ZFAND3: variants seen among roughly 807,000 people sequenced by gnomAD.
The protein encoded by ZFAND3 is zinc finger AN1-type containing 3, also known as AN1-type zinc finger protein 3.
In ZFAND3, 10 loss-of-function variants were observed where a neutral mutation model predicts 29.6. The observed-to-expected ratio is 0.34, with a 90% CI of 0.21 to 0.57. The LOEUF is 0.57. ZFAND3 is among the 20% of genes least tolerant of loss of function. The pLI is 0.86. For synonymous variants in ZFAND3, 128 were observed against 112.6 expected (o/e 1.14, Z -0.87); for missense variants, 230 against 304.5 (o/e 0.76, Z 1.82).
intron 2 of ZFAND3, among the ~76,000 whole-genome samples, chr6:37,978,192 A>G (rs1032027270): frequency 6.6e-6 from 1 of 152,030 alleles, no homozygotes; most frequent in Non-Finnish European, 1.5e-5. Flanking sequence ...TGTTTTTTCT[A>G]TGTCTGTTGA....
At chr6:37,953,589 C>T (rs1331341701) in intron 2 of ZFAND3, among the ~76,000 whole-genome samples, 3 of 151,590 alleles carry the variant, frequency 2.0e-5, no homozygotes, top group African/African-American at 7.3e-5. Flanking sequence ...ATAACTGGGA[C>T]TCAGGCATGT....
intron 2 of ZFAND3, among the ~76,000 whole-genome samples, chr6:38,041,677 T>C (rs796745479): frequency 0.049 from 1,282 of 26,100 alleles, 34 homozygotes; most frequent in African/African-American, 0.091. Flanking sequence ...CTTCTTCTTC[T>C]TCTTCTTCTC....
Position 37,992,562 on chromosome 6 carries a change from A to G in ZFAND3, c.112+62563A>G, listed in dbSNP as rs552645270. On this transcript the variant is annotated intron_variant, in intron 2 of 5. Transcript: ENST00000287218. ...CTTGTAGCTGGTTGCAAACATTGACACTCCACCCTTAAATTCTTCAGCTTA... is the reference window on the plus strand; with the variant it reads ...CTTGTAGCTGGTTGCAAACATTGACGCTCCACCCTTAAATTCTTCAGCTTA... 2.0e-5 allele frequency among the ~76,000 whole-genome samples: 3 copies of G among 151,802 alleles called. No individual in the cohort carries two copies. The South Asian group carries it at 6.2e-4, about 32-fold the overall frequency.
At chr6:37,959,284 C>T (rs1176606435) in intron 2 of ZFAND3, among the ~76,000 whole-genome samples, 1 of 152,210 alleles carries the variant, frequency 6.6e-6, no homozygotes, top group Non-Finnish European at 1.5e-5. Context: ...TCAACATTAT[C>T]AGTGCAGTTT....
chr6:37,859,019 T>A (rs1764433115), intron 1 of ZFAND3, among the ~76,000 whole-genome samples: 1 of 152,242 alleles, frequency 6.6e-6, no homozygotes, highest in East Asian at 1.9e-4. Context: ...GCAGGTCAGC[T>A]ACATTTCTGA....
chr6:38,066,493 G>A (rs754610721), intron 3 of ZFAND3, among the ~76,000 whole-genome samples: 20 of 152,146 alleles, frequency 1.3e-4, no homozygotes, highest in Non-Finnish European at 2.2e-4. Context: ...AGCAGTTGTT[G>A]GAAAATGAAT....
intron 2 of ZFAND3, among the ~76,000 whole-genome samples, chr6:38,031,842 G>A (rs868218833): frequency 2.8e-4 from 24 of 85,748 alleles, no homozygotes; most frequent in Admixed American, 8.1e-4. Flanking sequence ...CTCCCCCCCC[G>A]CCCCACGCTG....
intron 4 of ZFAND3, among the ~76,000 whole-genome samples, chr6:38,096,206 T>TGGA (rs1764975920): frequency 6.6e-6 from 1 of 151,194 alleles, no homozygotes; most frequent in East Asian, 1.9e-4. Context: ...AGAGTCTTGC[T>TGGA]GTGTCACTCA....
At chr6:37,925,270 C>G (rs1761461965) in intron 1 of ZFAND3, among the ~76,000 whole-genome samples, 1 of 151,974 alleles carries the variant, frequency 6.6e-6, no homozygotes, top group South Asian at 2.1e-4. Flanking sequence ...TTTACAGTGG[C>G]CTAGGTGAGA....
At chr6:38,050,077 C>T (rs1378188160) in intron 2 of ZFAND3, among the ~76,000 whole-genome samples, 1 of 149,388 alleles carries the variant, frequency 6.7e-6, no homozygotes, top group African/African-American at 2.5e-5. Context: ...GCGTCAGCCT[C>T]CTGAGTAGCT....
At chr6:38,018,154 C>G (rs1478628579) in intron 2 of ZFAND3, among the ~76,000 whole-genome samples, 1 of 152,182 alleles carries the variant, frequency 6.6e-6, no homozygotes, top group Admixed American at 6.5e-5. Flanking sequence ...AACCTGACTC[C>G]TATTTTTATA....
Position 38,152,232 on chromosome 6 carries a change from C to T in ZFAND3, c.530-3C>T. On this transcript the variant is annotated splice_polypyrimidine_tract_variant and splice_region_variant and intron_variant, in intron 5 of 5. Coordinates refer to ENST00000287218, the MANE Select transcript of ZFAND3 (RefSeq NM_021943.3). ...CTTTCCTCTGCTTCTCCCGCTGCTG[C>T]AGGTTATGTGTTCTGTATGTTACAT... 1.3e-6 allele frequency: 2 copies of T among 1,506,518 alleles called. No homozygotes were observed. Among genetic ancestry groups the T allele is most frequent in the Admixed American group, 4.4e-5 (2 of 45,100 alleles). The allele number at this position is 1,506,518 out of a possible 1,614,324, so 93.3% of individuals were successfully genotyped here.
chr6:38,041,681 T>TCTTCTTCTTCTTCTC (rs1561976775), intron 2 of ZFAND3, among the ~76,000 whole-genome samples: 1 of 13,738 alleles, frequency 7.3e-5, no homozygotes, highest in African/African-American at 2.2e-4. Flanking sequence ...TTCTTCTTCT[T>TCTTCTTCTTCTTCTC]CTTCTCCTTC....
At chr6:38,053,577 G>T (rs1255797255) in intron 2 of ZFAND3, among the ~76,000 whole-genome samples, 3 of 152,050 alleles carry the variant, frequency 2.0e-5, no homozygotes, top group Non-Finnish European at 4.4e-5. Flanking sequence ...GCAGCTACTC[G>T]GGAGGCTGAG....
intron 2 of ZFAND3, among the ~76,000 whole-genome samples, chr6:37,968,176 C>T (rs1009414688): frequency 1.3e-5 from 2 of 151,976 alleles, no homozygotes; most frequent in African/African-American, 4.8e-5. Context: ...AATGGGCTAT[C>T]TCTAGAAGTC....
chr6:38,109,371 A>G (rs7743341), intron 4 of ZFAND3, among the ~76,000 whole-genome samples: 142,721 of 152,070 alleles, frequency 0.94, 67,105 homozygotes, highest in African/African-American at 0.99. Flanking sequence ...GTAGAGACAG[A>G]GTTTCACCAT....
At chr6:37,874,140 T>A (rs182173629) in intron 1 of ZFAND3, among the ~76,000 whole-genome samples, 9 of 152,324 alleles carry the variant, frequency 5.9e-5, no homozygotes, top group East Asian at 1.9e-4. Context: ...TTCCAGGACC[T>A]TCTTCTTGGT....
chr6:38,133,478 G>C (rs926429899), intron 5 of ZFAND3, among the ~76,000 whole-genome samples: 5 of 152,124 alleles, frequency 3.3e-5, no homozygotes, highest in Non-Finnish European at 7.4e-5. Context: ...GGCCGGGCGC[G>C]GTGGCTCACG....
At chr6:38,010,055 A>G (rs561178692) in intron 2 of ZFAND3, among the ~76,000 whole-genome samples, 8 of 152,350 alleles carry the variant, frequency 5.3e-5, no homozygotes, top group African/African-American at 1.9e-4. Flanking sequence ...CACTTCTAAC[A>G]TTGAATATTG....
Sources: gnomAD v4.1 joint callset for allele counts (sites outside exome capture counted in the v4.1 genomes callset) on GRCh38, gnomAD v4.1.1 for gene constraint, MANE v1.5 for transcripts, NCBI Gene and HGNC (gene_info 2026-07-23, HGNC 2026-07-21) for gene names.